FRMD4A: variants seen among roughly 807,000 people sequenced by gnomAD.
The protein encoded by FRMD4A is FERM domain-containing protein 4A.
A neutral mutation model predicts 129.1 loss-of-function variants in FRMD4A; 29 were observed. The observed-to-expected ratio is 0.22, with a 90% CI of 0.17 to 0.31. The LOEUF is 0.31. Among genes scored for constraint, FRMD4A ranks in the 10% least tolerant of loss-of-function variants. The pLI is 1.00. For missense variants in FRMD4A, 1,272 were observed against 1,375.8 expected (o/e 0.92, Z 1.19); for synonymous variants, 634 against 571.6 (o/e 1.11, Z -1.56).
chr10:14,301,089 AG>A (rs1846170396), intron 2 of FRMD4A, among the ~76,000 whole-genome samples: 1 of 152,222 alleles, frequency 6.6e-6, no homozygotes, highest in African/African-American at 2.4e-5. Flanking sequence ...AACTCTAGAT[AG>A]TAAAGATCAA....
At chr10:14,159,716 C>CA (rs1049197698) in intron 2 of FRMD4A, among the ~76,000 whole-genome samples, 7 of 152,014 alleles carry the variant, frequency 4.6e-5, no homozygotes, top group African/African-American at 1.7e-4. Context: ...AAAACAACAA[C>CA]AAAAAAAGCT....
chr10:13,901,421 G>A (rs1361432800), intron 2 of FRMD4A, among the ~76,000 whole-genome samples: 1 of 152,030 alleles, frequency 6.6e-6, no homozygotes, highest in East Asian at 1.9e-4. Flanking sequence ...GACCAGCCTG[G>A]CCAACATGGT....
At chr10:14,261,986 A>ACACACACACACACC (rs1491315574) in intron 2 of FRMD4A, among the ~76,000 whole-genome samples, 1 of 139,100 alleles carries the variant, frequency 7.2e-6, no homozygotes, top group Non-Finnish European at 1.6e-5. Flanking sequence ...ACACACACAC[A>ACACACACACACACC]CCTCATTTTC....
chr10:14,316,381 A>G (rs1245058655), intron 2 of FRMD4A, among the ~76,000 whole-genome samples: 1 of 151,970 alleles, frequency 6.6e-6, no homozygotes, highest in African/African-American at 2.4e-5. Context: ...CTGTGGGATG[A>G]TGTAGCAAGA....
chr10:14,162,837 A>G (rs1044365338), intron 2 of FRMD4A, among the ~76,000 whole-genome samples: 1 of 151,988 alleles, frequency 6.6e-6, no homozygotes, highest in African/African-American at 2.4e-5. Flanking sequence ...CGTGCCCAAG[A>G]GCCTTACCCA....
chr10:13,853,305 A>G (rs55939511), intron 3 of FRMD4A, among the ~76,000 whole-genome samples: 2,586 of 152,278 alleles, frequency 0.017, 80 homozygotes, highest in African/African-American at 0.059. Flanking sequence ...TTTGAGAAGG[A>G]AAGGACCAAG....
intron 2 of FRMD4A, among the ~76,000 whole-genome samples, chr10:14,067,447 C>T (rs1248758894): frequency 6.6e-6 from 1 of 152,106 alleles, no homozygotes; most frequent in Admixed American, 6.5e-5. Flanking sequence ...ATAGAACAAT[C>T]GGTCAGCTTT....
At chr10:13,659,599 G>T in intron 20 of FRMD4A, 109 bp from the exon 21 acceptor site, 1 of 1,096,944 alleles carries the variant, frequency 9.1e-7, no homozygotes, top group Non-Finnish European at 1.3e-6. Context: ...GCTCGCCCGT[G>T]ACTCCCACCT....
chr10:13,951,929 T>TAATAATAAAAATAAA (rs1554984653), intron 2 of FRMD4A, among the ~76,000 whole-genome samples: 1 of 145,966 alleles, frequency 6.9e-6, no homozygotes, highest in African/African-American at 2.5e-5. Flanking sequence ...ATAATAATAA[T>TAATAATAAAAATAAA]AAACAATCTA....
chr10:13,678,612 G>T (rs1027279555), intron 15 of FRMD4A, among the ~76,000 whole-genome samples: 1 of 152,206 alleles, frequency 6.6e-6, no homozygotes, highest in African/African-American at 2.4e-5. Flanking sequence ...GCACGCGCAC[G>T]CACACACGTC....
chr10:14,007,921 T>C (rs180768156), intron 2 of FRMD4A: 7 of 969,460 alleles, frequency 7.2e-6, no homozygotes, highest in East Asian at 6.5e-5. Context: ...AAATTACAGA[T>C]GAGATAGTAT....
chr10:14,024,320 T>C (rs1005150473), intron 2 of FRMD4A, among the ~76,000 whole-genome samples: 1 of 152,328 alleles, frequency 6.6e-6, no homozygotes, highest in East Asian at 1.9e-4. Flanking sequence ...GGGGAGACTC[T>C]CTTGCGCCTG....
At position 13,874,078 on chromosome 10, in the gene FRMD4A, T is replaced by G. The variant is rs138268898; in HGVS notation, c.46-15166A>C. On this transcript the variant is annotated intron_variant, in intron 2 of 24. Coordinates refer to ENST00000357447, the MANE Select transcript of FRMD4A (RefSeq NM_018027.5). The stretch of plus-strand genomic sequence containing the variant: ...CTGGCCAACATGGTGAAACCTCGTC[T>G]CTACTAAAAATACAAAAATTAGCTG... 9.1e-3 allele frequency among the ~76,000 whole-genome samples: 1,363 copies of G among 150,466 alleles called. 51 individuals are homozygous for G. The highest frequency in any genetic ancestry group is 0.058 in the Admixed American group (870 of 15,116).
intron 5 of FRMD4A, among the ~76,000 whole-genome samples, chr10:13,789,445 C>T (rs150759021): frequency 6.6e-6 from 1 of 152,040 alleles, no homozygotes; most frequent in East Asian, 1.9e-4. Context: ...TATTTTCTTA[C>T]AAGGAGTTGA....
At chr10:13,943,711 A>T (rs1233545283) in intron 2 of FRMD4A, among the ~76,000 whole-genome samples, 2 of 150,988 alleles carry the variant, frequency 1.3e-5, no homozygotes, top group Non-Finnish European at 3.0e-5. Context: ...AAGAAAGAAA[A>T]GTAGACCCAC....
intron 6 of FRMD4A, among the ~76,000 whole-genome samples, chr10:13,769,407 C>T (rs532009741): frequency 1.3e-5 from 2 of 152,200 alleles, no homozygotes; most frequent in South Asian, 2.1e-4. Flanking sequence ...CTCCTGGGTT[C>T]GAGCGATTCT....
At chr10:13,773,826 C>T (rs940866366) in intron 6 of FRMD4A, among the ~76,000 whole-genome samples, 9 of 152,330 alleles carry the variant, frequency 5.9e-5, no homozygotes, top group South Asian at 2.1e-4. Flanking sequence ...GGGACAAGTC[C>T]GCTGCCTCCT....
At chr10:13,756,841 T>C (rs2091887358) in intron 8 of FRMD4A, among the ~76,000 whole-genome samples, 1 of 152,204 alleles carries the variant, frequency 6.6e-6, no homozygotes, top group Non-Finnish European at 1.5e-5. Flanking sequence ...TCTCCCTCAG[T>C]ACAGTGTTGC....
At chr10:13,824,193 C>A (rs1483558900) in intron 3 of FRMD4A, among the ~76,000 whole-genome samples, 1 of 151,862 alleles carries the variant, frequency 6.6e-6, no homozygotes, top group South Asian at 2.1e-4. Flanking sequence ...AACAAAAAAA[C>A]CAGGCTGGGT....
Sources: gnomAD v4.1 joint callset for allele counts (sites outside exome capture counted in the v4.1 genomes callset) on GRCh38, gnomAD v4.1.1 for gene constraint, MANE v1.5 for transcripts, NCBI Gene and HGNC (gene_info 2026-07-23, HGNC 2026-07-21) for gene names.